ARHGAP24: variants seen among roughly 807,000 people sequenced by gnomAD.
ARHGAP24 encodes the protein rho GTPase-activating protein 24.
In ARHGAP24, 50 loss-of-function variants were observed where a neutral mutation model predicts 76.4. The observed-to-expected ratio is 0.65, with a 90% CI of 0.52 to 0.83. The LOEUF (loss-of-function observed/expected upper bound fraction) is 0.83, where lower values mean the gene tolerates loss of function less well. Among genes scored for constraint, ARHGAP24 ranks in the 40% least tolerant of loss-of-function variants. The probability of loss-of-function intolerance (pLI) is 0.00; values close to 1 mark genes in which losing one functional copy is unlikely to be tolerated. For synonymous variants in ARHGAP24, 345 were observed against 323.3 expected, an observed-to-expected ratio of 1.07 and a Z score of -0.72; for missense variants, 930 against 914.2, an observed-to-expected ratio of 1.02 and a Z score of -0.22.
chr4:85,773,257 T>C (rs887059330), intron 3 of ARHGAP24, among the ~76,000 whole-genome samples: 3 of 152,186 alleles, frequency 2.0e-5, no homozygotes, highest in African/African-American at 7.2e-5. Context: ...AGACGACCTG[T>C]CCCAGAATTT....
At chr4:85,665,979 T>C (rs1440491084) in intron 2 of ARHGAP24, among the ~76,000 whole-genome samples, 1 of 152,250 alleles carries the variant, frequency 6.6e-6, no homozygotes, top group African/African-American at 2.4e-5. Flanking sequence ...TTGGTGAATC[T>C]GACAATTATG....
intron 3 of ARHGAP24, among the ~76,000 whole-genome samples, chr4:85,835,591 A>G (rs1578276991): frequency 6.6e-6 from 1 of 151,066 alleles, no homozygotes. Flanking sequence ...GTTTCATTGT[A>G]GAAAAATGGT....
chr4:85,606,235 C>T (rs545954434), intron 2 of ARHGAP24, among the ~76,000 whole-genome samples: 40 of 152,258 alleles, frequency 2.6e-4, no homozygotes, highest in Middle Eastern at 3.4e-3. Context: ...TAGGCCAGGC[C>T]GGGCGCGGTG....
chr4:85,721,995 T>C, intron 3 of ARHGAP24, 23 bp downstream of exon 3: 2 of 1,597,110 alleles, frequency 1.3e-6, no homozygotes, highest in Non-Finnish European at 1.7e-6. Context: ...CCTAGTCTGA[T>C]TAAATTATTG....
chr4:85,603,271 T>C (rs1720091434), intron 2 of ARHGAP24, among the ~76,000 whole-genome samples: 1 of 152,186 alleles, frequency 6.6e-6, no homozygotes, highest in Non-Finnish European at 1.5e-5. Context: ...TTTAGAAGCA[T>C]ATGGAGGTGG....
intron 3 of ARHGAP24, among the ~76,000 whole-genome samples, chr4:85,744,888 T>C (rs10516755): frequency 0.55 from 83,516 of 152,034 alleles, 25,058 homozygotes; most frequent in Non-Finnish European, 0.69. Context: ...GGTAGTCCAA[T>C]CATTAGAGGG....
intron 2 of ARHGAP24, among the ~76,000 whole-genome samples, chr4:85,647,698 G>C (rs181221079): frequency 6.6e-6 from 1 of 152,092 alleles, no homozygotes; most frequent in East Asian, 1.9e-4. Flanking sequence ...CAGTGGTGCT[G>C]GCATGATAAT....
intron 2 of ARHGAP24, among the ~76,000 whole-genome samples, chr4:85,591,744 G>A (rs1728119572): frequency 6.6e-6 from 1 of 152,146 alleles, no homozygotes; most frequent in South Asian, 2.1e-4. Context: ...CAAGGGAAAA[G>A]GAGGGAAGTG....
intron 3 of ARHGAP24, among the ~76,000 whole-genome samples, chr4:85,896,736 CA>C (rs1734201214): frequency 1.3e-5 from 2 of 152,144 alleles, no homozygotes; most frequent in South Asian, 4.1e-4. Flanking sequence ...CCCAATATTG[CA>C]ATAGTCATTC....
intron 3 of ARHGAP24, among the ~76,000 whole-genome samples, chr4:85,823,227 A>G (rs1233184323): frequency 1.3e-5 from 2 of 152,170 alleles, no homozygotes; most frequent in African/African-American, 2.4e-5. Context: ...AACTATTAAC[A>G]TCATAGTGCA....
chr4:85,826,662 T>C (rs544591922), intron 3 of ARHGAP24, among the ~76,000 whole-genome samples: 1 of 152,248 alleles, frequency 6.6e-6, no homozygotes, highest in Admixed American at 6.5e-5. Context: ...ACTGCACATA[T>C]AGAAAGCATT....
At chr4:85,804,135 G>A (rs957423198) in intron 3 of ARHGAP24, among the ~76,000 whole-genome samples, 2 of 151,718 alleles carry the variant, frequency 1.3e-5, no homozygotes, top group African/African-American at 2.4e-5. Context: ...TCCTTAAATA[G>A]CGTTTTATAG....
At chr4:85,555,646 C>G (rs1726326407) in intron 1 of ARHGAP24, among the ~76,000 whole-genome samples, 1 of 152,234 alleles carries the variant, frequency 6.6e-6, no homozygotes, top group Non-Finnish European at 1.5e-5. Context: ...CCTGGGTGAG[C>G]TCAGGCTTTA....
intron 3 of ARHGAP24, among the ~76,000 whole-genome samples, chr4:85,782,121 G>C (rs765231866): frequency 1.3e-5 from 2 of 151,230 alleles, no homozygotes; most frequent in African/African-American, 4.9e-5. Flanking sequence ...CTTCAGTTAG[G>C]TGGCATGACT....
At chr4:85,770,147 AG>A (rs1209136672) in intron 3 of ARHGAP24, among the ~76,000 whole-genome samples, 5 of 152,250 alleles carry the variant, frequency 3.3e-5, no homozygotes, top group Non-Finnish European at 5.9e-5. Flanking sequence ...CAAAGAATAC[AG>A]ACCAAGGAAG....
At chr4:85,869,048 A>G (rs1351616348) in intron 3 of ARHGAP24, among the ~76,000 whole-genome samples, 12 of 152,094 alleles carry the variant, frequency 7.9e-5, no homozygotes, top group Non-Finnish European at 8.8e-5. Context: ...AATACCAACT[A>G]CTTCCTGCTG....
chr4:85,481,009 A>C (rs1468944020), intron 1 of ARHGAP24, among the ~76,000 whole-genome samples: 1 of 152,168 alleles, frequency 6.6e-6, no homozygotes, highest in Non-Finnish European at 1.5e-5. Flanking sequence ...AAAAGGGAGA[A>C]TATAACTTTC....
chr4:85,680,475 C>G (rs1204910973), intron 2 of ARHGAP24, among the ~76,000 whole-genome samples: 3 of 152,206 alleles, frequency 2.0e-5, no homozygotes, highest in African/African-American at 2.4e-5. Flanking sequence ...CTTATCTTCT[C>G]TAATTTAAAT....
chr4:85,555,345 T>G (rs1403793166), intron 1 of ARHGAP24, among the ~76,000 whole-genome samples: 2 of 152,208 alleles, frequency 1.3e-5, no homozygotes, highest in Non-Finnish European at 2.9e-5. Flanking sequence ...GTTGAGGCTT[T>G]GTGCAGGAAC....
Sources: allele counts gnomAD v4.1 joint callset (sites outside exome capture counted in the v4.1 genomes callset), GRCh38; gene constraint gnomAD v4.1.1; transcripts MANE v1.5; gene names NCBI Gene and HGNC (gene_info 2026-07-23, HGNC 2026-07-21).